PAPPA: variants seen among roughly 807,000 people sequenced by gnomAD.
PAPPA encodes the protein pappalysin 1.
PAPPA carries 60 observed loss-of-function variants against 164.0 expected under a neutral mutation model. The ratio of observed to expected loss-of-function variants is 0.37; its 90% CI spans 0.30 to 0.45. PAPPA has a LOEUF of 0.45. Among genes scored for constraint, PAPPA ranks in the 20% least tolerant of loss-of-function variants. The pLI, the probability that PAPPA is intolerant of heterozygous loss-of-function variation, is 1.00. For synonymous variants in PAPPA, 875 were observed against 814.1 expected (o/e 1.07, Z -1.27); for missense variants, 1,782 against 2,087.3 (o/e 0.85, Z 2.85).
chr9:116,180,545 T>C (rs1843892201), intron 1 of PAPPA, among the ~76,000 whole-genome samples: 1 of 152,218 alleles, frequency 6.6e-6, no homozygotes, highest in Non-Finnish European at 1.5e-5. Context: ...TCATTATTTA[T>C]TTAAAAATAC....
intron 6 of PAPPA, among the ~76,000 whole-genome samples, chr9:116,233,348 A>G (rs1292885454): frequency 6.6e-6 from 1 of 152,242 alleles, no homozygotes; most frequent in Non-Finnish European, 1.5e-5. Flanking sequence ...GACTGAATGA[A>G]TAAGTGATAC....
At chr9:116,313,082 CAAAAAAAA>C (rs59596284) in intron 10 of PAPPA, among the ~76,000 whole-genome samples, 3 of 68,468 alleles carry the variant, frequency 4.4e-5, no homozygotes, top group African/African-American at 1.6e-4. Flanking sequence ...GACTCCATCT[CAAAAAAAA>C]AAAAAAAAAA....
chr9:116,343,340 A>G (rs1846162355), intron 13 of PAPPA, among the ~76,000 whole-genome samples: 1 of 152,184 alleles, frequency 6.6e-6, no homozygotes, highest in Non-Finnish European at 1.5e-5. Flanking sequence ...TTCCACTGGC[A>G]CTGAGGAACT....
chr9:116,363,052 A>G (rs1846450365), intron 18 of PAPPA, among the ~76,000 whole-genome samples: 1 of 152,212 alleles, frequency 6.6e-6, no homozygotes, highest in African/African-American at 2.4e-5. Flanking sequence ...TTGTCGGGGA[A>G]GAAATGCTAT....
intron 5 of PAPPA, among the ~76,000 whole-genome samples, chr9:116,227,067 A>G (rs755675065): frequency 2.6e-5 from 4 of 152,252 alleles, no homozygotes; most frequent in Non-Finnish European, 5.9e-5. Context: ...TTTGAGAACG[A>G]AATGGAGCAA....
intron 10 of PAPPA, among the ~76,000 whole-genome samples, chr9:116,303,609 A>C (rs1215091743): frequency 1.3e-5 from 2 of 151,974 alleles, no homozygotes; most frequent in East Asian, 3.9e-4. Context: ...CAATTATCCT[A>C]CCAAGGAAGC....
chr9:116,197,818 T>C (rs1844125725), intron 2 of PAPPA, among the ~76,000 whole-genome samples: 1 of 152,228 alleles, frequency 6.6e-6, no homozygotes. Flanking sequence ...GGGACTATGG[T>C]CCAGATTAAA....
intron 4 of PAPPA, among the ~76,000 whole-genome samples, chr9:116,214,996 T>C (rs1433208491): frequency 1.3e-5 from 2 of 152,204 alleles, no homozygotes; most frequent in African/African-American, 4.8e-5. Context: ...ATGCCAGGTA[T>C]AGAAAACAAA....
intron 6 of PAPPA, among the ~76,000 whole-genome samples, chr9:116,233,816 C>A (rs1587964409): frequency 6.7e-6 from 1 of 150,072 alleles, no homozygotes; most frequent in Non-Finnish European, 1.5e-5. Context: ...AAGCAAAGAT[C>A]TTTTTTTTTT....
chr9:116,164,612 C>G (rs1447178467), intron 1 of PAPPA, among the ~76,000 whole-genome samples: 2 of 152,168 alleles, frequency 1.3e-5, no homozygotes, highest in African/African-American at 4.8e-5. Context: ...AGCCAGTGGT[C>G]CAACCTGTAC....
At chr9:116,203,629 G>T (rs1587950293) in intron 2 of PAPPA, among the ~76,000 whole-genome samples, 1 of 152,184 alleles carries the variant, frequency 6.6e-6, no homozygotes, top group Non-Finnish European at 1.5e-5. Context: ...AGTAAAAGGA[G>T]CCTATCCTAA....
intron 8 of PAPPA, among the ~76,000 whole-genome samples, chr9:116,269,895 T>G (rs1209010051): frequency 6.6e-6 from 1 of 152,232 alleles, no homozygotes; most frequent in Non-Finnish European, 1.5e-5. Context: ...AACTTCTTCT[T>G]TGCTCATAGG....
intron 7 of PAPPA, among the ~76,000 whole-genome samples, chr9:116,264,923 G>A (rs1845049248): frequency 6.6e-6 from 1 of 152,070 alleles, no homozygotes; most frequent in Non-Finnish European, 1.5e-5. Flanking sequence ...TCATTTGGTG[G>A]TGTGTTTGTG....
chr9:116,352,113 C>CT (rs1846289980), intron 15 of PAPPA, among the ~76,000 whole-genome samples: 2 of 152,218 alleles, frequency 1.3e-5, no homozygotes, highest in Admixed American at 6.5e-5. Flanking sequence ...AAGTGCTGCT[C>CT]TTTCACCTGC....
chr9:116,342,398 T>C (rs1846149733), intron 13 of PAPPA, among the ~76,000 whole-genome samples: 1 of 152,184 alleles, frequency 6.6e-6, no homozygotes, highest in African/African-American at 2.4e-5. Context: ...TTAATGCCAG[T>C]TGCCCTGCAT....
At chr9:116,305,864 T>C (rs535186862) in intron 10 of PAPPA, among the ~76,000 whole-genome samples, 3 of 152,270 alleles carry the variant, frequency 2.0e-5, no homozygotes, top group South Asian at 2.1e-4. Context: ...CCTAGATGGA[T>C]AGATCTCAGC....
At chr9:116,165,688 A>G (rs775415036) in intron 1 of PAPPA, among the ~76,000 whole-genome samples, 3 of 152,182 alleles carry the variant, frequency 2.0e-5, no homozygotes, top group Non-Finnish European at 4.4e-5. Context: ...ATTATTTGAA[A>G]TTCCCCCAAA....
At chr9:116,254,951 G>A (rs1348054860) in intron 7 of PAPPA, among the ~76,000 whole-genome samples, 2 of 151,584 alleles carry the variant, frequency 1.3e-5, no homozygotes, top group East Asian at 2.0e-4. Context: ...ATTTTGGGGA[G>A]AAAAAAGCAA....
chr9:116,160,705 C>T (rs1843656081), intron 1 of PAPPA, among the ~76,000 whole-genome samples: 1 of 152,180 alleles, frequency 6.6e-6, no homozygotes, highest in South Asian at 2.1e-4. Flanking sequence ...TGCCCCTTCT[C>T]TAGAACTTAG....
Sources: allele counts gnomAD v4.1 joint callset (sites outside exome capture counted in the v4.1 genomes callset), GRCh38; gene constraint gnomAD v4.1.1; transcripts MANE v1.5; gene names NCBI Gene and HGNC (gene_info 2026-07-23, HGNC 2026-07-21).